Variants in PDE4D observed in about 807,000 individuals in gnomAD.
PDE4D encodes the protein phosphodiesterase 4D.
PDE4D carries 24 observed loss-of-function variants against 87.4 expected under a neutral mutation model. The observed-to-expected ratio is 0.27, with a 90% confidence interval of 0.20 to 0.39. The LOEUF is 0.39. Among genes scored for constraint, PDE4D ranks in the 10% least tolerant of loss-of-function variants. The probability of loss-of-function intolerance (pLI) is 1.00; values close to 1 mark genes in which losing one functional copy is unlikely to be tolerated. For synonymous variants in PDE4D, 384 were observed against 383.2 expected (o/e 1.00, Z -0.02); for missense variants, 714 against 1,041.0 (o/e 0.69, Z 4.32).
chr5:60,070,651 T>A (rs1562054641), intron 2 of PDE4D, among the ~76,000 whole-genome samples: 1 of 152,088 alleles, frequency 6.6e-6, no homozygotes, highest in Non-Finnish European at 1.5e-5. Flanking sequence ...GCCTATAGTT[T>A]TGTTTTCTTG....
At chr5:60,481,357 CTG>C (rs1287065304) in intron 1 of PDE4D, among the ~76,000 whole-genome samples, 2 of 151,824 alleles carry the variant, frequency 1.3e-5, no homozygotes, top group African/African-American at 4.8e-5. Flanking sequence ...TGAGAGGTAA[CTG>C]TGTTTTTTTT....
chr5:59,274,445 T>G (rs1764424369), intron 1 of PDE4D, among the ~76,000 whole-genome samples: 1 of 152,140 alleles, frequency 6.6e-6, no homozygotes, highest in Non-Finnish European at 1.5e-5. Flanking sequence ...AATGCATATT[T>G]TGCTGGCCTG....
At position 59,670,265 on chromosome 5, in the gene PDE4D, A is replaced by G. The variant is rs535806938; in HGVS notation, c.455+222903T>C. 3.9e-5 allele frequency among the ~76,000 whole-genome samples: 6 copies of G among 152,370 alleles called. No individual in the cohort carries two copies. The South Asian group carries it at 1.0e-3, about 26-fold the overall frequency. ...CCTGACACACAAGTACTCTGTAAGT[A>G]TCATCTATTATTGTTTTGTTATTAA... On this transcript the variant is annotated intron_variant, in intron 1 of 14. Coordinates refer to ENST00000340635, the MANE Select transcript of PDE4D (RefSeq NM_001104631.2).
chr5:59,831,347 A>AC (rs1375989295), intron 1 of PDE4D, among the ~76,000 whole-genome samples: 2 of 148,076 alleles, frequency 1.4e-5, no homozygotes, highest in African/African-American at 4.9e-5. Flanking sequence ...AAAAAAAAAA[A>AC]CCGGGCAAAT....
chr5:60,015,494 AT>A (rs1765416389), intron 2 of PDE4D, among the ~76,000 whole-genome samples: 1 of 152,228 alleles, frequency 6.6e-6, no homozygotes, highest in Non-Finnish European at 1.5e-5. Flanking sequence ...GCCAGCTGCT[AT>A]GCTGTAAAGA....
At chr5:59,784,927 C>T (rs1765011133) in intron 1 of PDE4D, among the ~76,000 whole-genome samples, 1 of 152,170 alleles carries the variant, frequency 6.6e-6, no homozygotes. Context: ...CATTTTCTCT[C>T]ATGTCTGCCA....
intron 3 of PDE4D, among the ~76,000 whole-genome samples, chr5:59,188,984 C>T (rs1218414429): frequency 6.6e-6 from 1 of 152,104 alleles, no homozygotes; most frequent in Non-Finnish European, 1.5e-5. Context: ...TATCTTCTTT[C>T]ATAGCCTGGC....
At chr5:59,113,482 C>T (rs867260977) in intron 5 of PDE4D, among the ~76,000 whole-genome samples, 6 of 152,258 alleles carry the variant, frequency 3.9e-5, no homozygotes, top group African/African-American at 1.2e-4. Context: ...AAATAATCAC[C>T]GACATGAATG....
chr5:59,329,717 A>C (rs1776363818), intron 1 of PDE4D, among the ~76,000 whole-genome samples: 1 of 152,322 alleles, frequency 6.6e-6, no homozygotes, highest in Admixed American at 6.5e-5. Context: ...ACCTGAAGGC[A>C]GGCTGTCCTT....
At chr5:60,473,324 A>G (rs1047327159) in intron 1 of PDE4D, among the ~76,000 whole-genome samples, 17 of 152,110 alleles carry the variant, frequency 1.1e-4, no homozygotes, top group East Asian at 9.6e-4. Flanking sequence ...GAGACCTCCT[A>G]TATTTTGGGA....
At chr5:60,402,700 T>C (rs906564801) in intron 1 of PDE4D, among the ~76,000 whole-genome samples, 13 of 152,252 alleles carry the variant, frequency 8.5e-5, no homozygotes, top group Admixed American at 7.8e-4. Context: ...ACTGGCTTCA[T>C]TCCAGGTGAT....
intron 1 of PDE4D, among the ~76,000 whole-genome samples, chr5:59,575,208 T>A (rs1221438518): frequency 6.6e-6 from 1 of 152,092 alleles, no homozygotes; most frequent in Non-Finnish European, 1.5e-5. Context: ...GTGAAAGATG[T>A]ATAAAAAGAA....
chr5:59,052,576 G>T (rs1381350961), intron 5 of PDE4D, among the ~76,000 whole-genome samples: 11 of 152,124 alleles, frequency 7.2e-5, no homozygotes, highest in Non-Finnish European at 1.6e-4. Flanking sequence ...AGTTGTGGAG[G>T]TATCCACTTT....
intron 1 of PDE4D, among the ~76,000 whole-genome samples, chr5:59,469,259 C>T (rs1205448114): frequency 2.0e-5 from 3 of 152,070 alleles, no homozygotes; most frequent in African/African-American, 7.2e-5. Context: ...ACCAAGGAGA[C>T]GGACCTTGCA....
At chr5:59,984,009 A>T (rs1582037338) in intron 3 of PDE4D, among the ~76,000 whole-genome samples, 2 of 151,774 alleles carry the variant, frequency 1.3e-5, no homozygotes, top group Non-Finnish European at 2.9e-5. Flanking sequence ...CAATAAAAAC[A>T]AGCTGCTGAG....
At chr5:59,875,453 T>A (rs1748426597) in intron 1 of PDE4D, among the ~76,000 whole-genome samples, 1 of 83,714 alleles carries the variant, frequency 1.2e-5, no homozygotes, top group Non-Finnish European at 2.0e-5. Flanking sequence ...AAGTGAGACC[T>A]CCGTCTCAAA....
At chr5:59,291,887 A>T (rs1768107961) in intron 1 of PDE4D, among the ~76,000 whole-genome samples, 1 of 151,904 alleles carries the variant, frequency 6.6e-6, no homozygotes, top group Non-Finnish European at 1.5e-5. Flanking sequence ...ATGCTAAAAA[A>T]ATATCCACAA....
At chr5:59,294,368 G>A (rs1262189111) in intron 1 of PDE4D, among the ~76,000 whole-genome samples, 1 of 152,118 alleles carries the variant, frequency 6.6e-6, no homozygotes, top group East Asian at 1.9e-4. Context: ...GTGCAAAATG[G>A]TGGCCCTGTC....
At chr5:59,993,405 T>C (rs80267917) in intron 2 of PDE4D, among the ~76,000 whole-genome samples, 1,969 of 152,308 alleles carry the variant, frequency 0.013, 50 homozygotes, top group African/African-American at 0.045. Flanking sequence ...AAGGATTGGC[T>C]TAGTAAATGT....
Sources: gnomAD v4.1 joint callset for allele counts (sites outside exome capture counted in the v4.1 genomes callset) on GRCh38, gnomAD v4.1.1 for gene constraint, MANE v1.5 for transcripts, NCBI Gene and HGNC (gene_info 2026-07-23, HGNC 2026-07-21) for gene names.